ZMYM2: variants seen among roughly 807,000 people sequenced by gnomAD.
ZMYM2 encodes the protein zinc finger MYM-type containing 2, also known as zinc finger MYM-type protein 2.
Under a neutral mutation model 162.8 loss-of-function variants are expected in ZMYM2, and 56 were observed. The ratio of observed to expected loss-of-function variants is 0.34; its 90% CI spans 0.28 to 0.43. The LOEUF (loss-of-function observed/expected upper bound fraction) is 0.43. Among genes scored for constraint, ZMYM2 ranks in the 20% least tolerant of loss-of-function variants. The pLI is 1.00. For missense variants in ZMYM2, 1,275 were observed against 1,621.8 expected (o/e 0.79, Z 3.67); for synonymous variants, 510 against 541.6 (o/e 0.94, Z 0.81).
At chr13:19,991,068 G>A (rs1270020084) in intron 2 of ZMYM2, among the ~76,000 whole-genome samples, 12 of 136,570 alleles carry the variant, frequency 8.8e-5, no homozygotes, top group Non-Finnish European at 1.8e-4. Context: ...GTGTGTGTAC[G>A]TATGTATTTT....
chr13:19,995,396 A>G (rs1410296773), intron 3 of ZMYM2, among the ~76,000 whole-genome samples: 1 of 152,162 alleles, frequency 6.6e-6, no homozygotes, highest in African/African-American at 2.4e-5. Context: ...GGGCATAAAT[A>G]AGCAATACTT....
At chr13:19,975,739 A>G (rs1488144712) in intron 2 of ZMYM2, among the ~76,000 whole-genome samples, 14 of 152,264 alleles carry the variant, frequency 9.2e-5, no homozygotes, top group Non-Finnish European at 5.9e-5. Context: ...TTGGGGAACC[A>G]TTAAACTGTT....
intron 2 of ZMYM2, among the ~76,000 whole-genome samples, chr13:19,984,399 A>G (rs190043134): frequency 9.9e-4 from 151 of 152,354 alleles, no homozygotes; most frequent in African/African-American, 3.6e-3. Flanking sequence ...TCTGAGGTAC[A>G]AGCACCAGTT....
At chr13:19,908,903 G>A in the ZMYM2 span, among the ~76,000 whole-genome samples, 1 of 152,132 alleles carries the variant, frequency 6.6e-6, no homozygotes, top group African/African-American at 2.4e-5. Context: ...ATTACAGAAA[G>A]CTTTGACCTT....
At chr13:19,889,459 A>G in the ZMYM2 span, among the ~76,000 whole-genome samples, 1 of 151,894 alleles carries the variant, frequency 6.6e-6, no homozygotes, top group Non-Finnish European at 1.5e-5. Context: ...AGCTGGGGTT[A>G]CAGGCTCCCG....
At chr13:20,032,530 A>G (rs1300928941) in intron 10 of ZMYM2, among the ~76,000 whole-genome samples, 1 of 146,580 alleles carries the variant, frequency 6.8e-6, no homozygotes, top group Non-Finnish European at 1.5e-5. Flanking sequence ...GCTGTTGGTG[A>G]GTCATTCAGT....
chr13:20,061,364 T>TAAAAG, intron 17 of ZMYM2, 140 bp downstream of exon 17: 1 of 745,098 alleles, frequency 1.3e-6, no homozygotes, highest in Non-Finnish European at 1.9e-6. Context: ...AAATGTTTTT[T>TAAAAG]ATATTAAGAG....
At chr13:19,971,244 G>GTGTATATATATATATA (rs5802035) in intron 2 of ZMYM2, among the ~76,000 whole-genome samples, 5 of 50,124 alleles carry the variant, frequency 1.0e-4, no homozygotes, top group African/African-American at 3.3e-4. Flanking sequence ...GTGTGTGTGT[G>GTGTATATATATATATA]TATATATATA....
chr13:19,893,978 A>T, the ZMYM2 span, among the ~76,000 whole-genome samples: 3 of 151,756 alleles, frequency 2.0e-5, no homozygotes, highest in South Asian at 6.2e-4. Context: ...TAATGTAGGG[A>T]GTGGTGGAGC....
intron 2 of ZMYM2, among the ~76,000 whole-genome samples, chr13:19,982,035 T>C (rs1023135598): frequency 3.9e-5 from 6 of 152,196 alleles, no homozygotes; most frequent in Non-Finnish European, 8.8e-5. Context: ...TGGGGAGATG[T>C]GTGACTTGCA....
At chr13:19,975,492 A>C (rs951994539) in intron 2 of ZMYM2, among the ~76,000 whole-genome samples, 3 of 152,210 alleles carry the variant, frequency 2.0e-5, no homozygotes, top group Non-Finnish European at 4.4e-5. Context: ...TGTAGTATGT[A>C]TCAGAGTTTT....
chr13:19,904,442 C>T, the ZMYM2 span, among the ~76,000 whole-genome samples: 1 of 152,136 alleles, frequency 6.6e-6, no homozygotes, highest in South Asian at 2.1e-4. Context: ...CCTGTAATTC[C>T]AGCTACTTGG....
intron 7 of ZMYM2, chr13:20,025,493 ACACC>A (rs1209050162): frequency 1.2e-5 from 2 of 166,208 alleles, no homozygotes; most frequent in Non-Finnish European, 1.3e-5. Context: ...CAAAAAAAAT[ACACC>A]CCCACCAAAA....
the ZMYM2 span, among the ~76,000 whole-genome samples, chr13:19,870,749 C>T: frequency 6.6e-6 from 1 of 151,986 alleles, no homozygotes; most frequent in African/African-American, 2.4e-5. Context: ...GCCTCAGCCT[C>T]CCTAGTAGCT....
At chr13:20,067,481 A>G in intron 21 of ZMYM2, 91 bp downstream of exon 21, 1 of 1,296,638 alleles carries the variant, frequency 7.7e-7, no homozygotes, top group East Asian at 2.5e-5. Flanking sequence ...ACCTTTATTG[A>G]CTTACCAAGA....
chr13:19,940,318 A>G, the ZMYM2 span, among the ~76,000 whole-genome samples: 8 of 152,330 alleles, frequency 5.3e-5, no homozygotes, highest in Admixed American at 3.3e-4. Flanking sequence ...GATGGAGGAC[A>G]AAAGGGTTCT....
chr13:19,898,791 A>G, the ZMYM2 span, among the ~76,000 whole-genome samples: 8 of 152,052 alleles, frequency 5.3e-5, no homozygotes, highest in Non-Finnish European at 1.0e-4. Context: ...GCCAGATGCA[A>G]TGGTGTGTAA....
chr13:19,882,755 A>G, the ZMYM2 span, among the ~76,000 whole-genome samples: 1 of 150,782 alleles, frequency 6.6e-6, no homozygotes, highest in Non-Finnish European at 1.5e-5. Flanking sequence ...TCAAAAACAA[A>G]AAAGAACACG....
At chr13:19,869,877 A>G in the ZMYM2 span, among the ~76,000 whole-genome samples, 2 of 152,222 alleles carry the variant, frequency 1.3e-5, no homozygotes, top group South Asian at 4.1e-4. Context: ...AGGCAGGATA[A>G]TAGTCTATTA....
Sources: gnomAD v4.1 joint callset for allele counts (sites outside exome capture counted in the v4.1 genomes callset) on GRCh38, gnomAD v4.1.1 for gene constraint, MANE v1.5 for transcripts, NCBI Gene and HGNC (gene_info 2026-07-23, HGNC 2026-07-21) for gene names.